ITGA4: variants seen among roughly 807,000 people sequenced by gnomAD.
ITGA4 encodes integrin alpha-4.
ITGA4 carries 63 observed loss-of-function variants against 133.6 expected under a neutral mutation model. That is an observed-to-expected ratio of 0.47 (90% CI 0.38 to 0.58). The LOEUF (loss-of-function observed/expected upper bound fraction) is 0.58, where lower values mean the gene tolerates loss of function less well. Ranked by LOEUF, ITGA4 falls within the 20% of genes least tolerant of loss-of-function variation. The probability of loss-of-function intolerance (pLI) is 0.00; values close to 1 mark genes in which losing one functional copy is unlikely to be tolerated. For missense variants in ITGA4, 1,076 were observed against 1,252.7 expected (o/e 0.86, Z 2.13); for synonymous variants, 483 against 438.0 (o/e 1.10, Z -1.28).
At chr2:181,531,853 T>C (rs1574415557) in intron 25 of ITGA4, 77 bp downstream of exon 25, 1 of 1,018,470 alleles carries the variant, frequency 9.8e-7, no homozygotes, top group African/African-American at 1.7e-5. Context: ...ATAGGCAGGA[T>C]AGTATGAAGG....
At chr2:181,506,488 T>G (rs1254337288) in intron 15 of ITGA4, among the ~76,000 whole-genome samples, 1 of 152,064 alleles carries the variant, frequency 6.6e-6, no homozygotes, top group African/African-American at 2.4e-5. Flanking sequence ...GACCCCAGAT[T>G]TGAACACCAG....
chr2:181,459,110 T>G (rs984996138), intron 2 of ITGA4: 2 of 152,208 alleles, frequency 1.3e-5, no homozygotes, highest in Admixed American at 1.3e-4. Flanking sequence ...TTAACTTTTT[T>G]CCCCTTAAAG....
intron 10 of ITGA4, among the ~76,000 whole-genome samples, chr2:181,492,386 C>T (rs988205850): frequency 1.3e-5 from 2 of 152,018 alleles, no homozygotes; most frequent in Admixed American, 1.3e-4. Flanking sequence ...AAATAGTAGC[C>T]CAAAATTACC....
Position 181,537,724 on chromosome 2 carries a change from C to A in ITGA4, c.*2197C>A, listed in dbSNP as rs1451010303. ...ATGGTTGCAAAGTTTTTTTGTGTGT[C>A]CAATAAACACATTGTAAAAAAAAGA... On this transcript the variant is annotated 3_prime_UTR_variant, in exon 28 of 28. Transcript: ENST00000397033. 2 of 434,210 alleles carry A rather than the reference C, an allele frequency of 4.6e-6. No homozygotes were observed. The highest frequency in any genetic ancestry group is 9.2e-6 in the Non-Finnish European group (2 of 217,382). 26.9% of individuals were successfully genotyped at this position (434,210 alleles called of 1,614,324 possible).
Position 181,458,307 on chromosome 2 carries a change from G to C in ITGA4, c.309G>C (p.Gln103His). 2 of 1,611,452 alleles carry C rather than the reference G, an allele frequency of 1.2e-6. No individual in the cohort carries two copies. The highest frequency in any genetic ancestry group is 1.7e-6 in the Non-Finnish European group (2 of 1,178,788). ...IGKNPGQTCEQLQLGSPNGEP... is the reference protein window; with the variant it reads ...IGKNPGQTCEHLQLGSPNGEP... ...AGAATCCCGGCCAGACGTGCGAACAGCTCCAGCTGGGTGAGTTGGGTATGG... is the reference window on the plus strand; with the variant it reads ...AGAATCCCGGCCAGACGTGCGAACACCTCCAGCTGGGTGAGTTGGGTATGG... Residue 103 changes from glutamine (Q) to histidine (H), a missense_variant, in exon 2 of 28, where the codon CAG becomes CAC. Around this residue, in one of 4 missense-constraint regions of ITGA4, gnomAD observed 436 missense variants for 590.7 expected, o/e 0.74. Coordinates refer to ENST00000397033, the MANE Select transcript of ITGA4 (RefSeq NM_000885.6).
At chr2:181,458,115 G>C in intron 1 of ITGA4, 81 bp from the exon 2 acceptor site, 1 of 1,586,272 alleles carries the variant, frequency 6.3e-7, no homozygotes, top group East Asian at 2.3e-5. Context: ...GCCCTGCTGC[G>C]GACTGCACAT....
chr2:181,458,136 A>G, intron 1 of ITGA4, 60 bp from the exon 2 acceptor site: 2 of 1,607,860 alleles, frequency 1.2e-6, no homozygotes, highest in East Asian at 4.5e-5. Flanking sequence ...CTGTGGCGAC[A>G]GGGAGCTCAG....
chr2:181,533,190 G>A (rs1480672981), intron 25 of ITGA4, among the ~76,000 whole-genome samples: 1 of 152,122 alleles, frequency 6.6e-6, no homozygotes, highest in Non-Finnish European at 1.5e-5. Flanking sequence ...TGTTCAATAT[G>A]GATAAATGAG....
At chr2:181,534,078 A>C (rs963088754) in intron 25 of ITGA4, among the ~76,000 whole-genome samples, 194 bp from the exon 26 acceptor site, 4 of 152,210 alleles carry the variant, frequency 2.6e-5, no homozygotes, top group Non-Finnish European at 5.9e-5. Context: ...AAGGATTTCA[A>C]TAAAATGATA....
intron 11 of ITGA4, 37 bp downstream of exon 11, chr2:181,493,456 T>C: frequency 4.0e-6 from 5 of 1,252,390 alleles, no homozygotes; most frequent in Non-Finnish European, 5.8e-6. Context: ...AAGCATTGGT[T>C]ATAATGCATA....
chr2:181,472,492 TAACTG>T (rs1489716078), intron 2 of ITGA4, among the ~76,000 whole-genome samples: 1 of 152,214 alleles, frequency 6.6e-6, no homozygotes, highest in Non-Finnish European at 1.5e-5. Flanking sequence ...TCAATTGTCT[TAACTG>T]AGTGTTGACT....
chr2:181,494,197 T>G (rs1253152153), intron 11 of ITGA4, among the ~76,000 whole-genome samples: 5 of 152,242 alleles, frequency 3.3e-5, no homozygotes, highest in Non-Finnish European at 5.9e-5. Flanking sequence ...TGTTAAAAAG[T>G]CAGCTTTTAT....
chr2:181,523,594 T>A lies in ITGA4; in HGVS notation c.2169+62T>A. Reference sequence around the variant, plus strand: ...ATGAATATTTTTTTCTATTCTTCCCTATCTTTAGGTTGCATAGAAAATATT... The same window carrying A: ...ATGAATATTTTTTTCTATTCTTCCCAATCTTTAGGTTGCATAGAAAATATT... On this transcript the variant is annotated intron_variant, in intron 19 of 27. Transcript: ENST00000397033. This position sits in a 1 kb window ranked among gnomAD's most constrained non-coding sequence, Gnocchi z 4.2. The A allele has an allele frequency of 1.1e-6, 1 of 870,734 alleles. No individual in the cohort carries two copies. The highest frequency in any genetic ancestry group is 1.9e-6 in the Non-Finnish European group (1 of 527,098). 53.9% of individuals were successfully genotyped at this position (870,734 alleles called of 1,614,324 possible). A position where few individuals can be genotyped will look rare whatever the true frequency, so the allele number is the denominator to read the frequency against.
At chr2:181,518,419 G>T (rs572175857) in intron 17 of ITGA4, among the ~76,000 whole-genome samples, 1 of 152,106 alleles carries the variant, frequency 6.6e-6, no homozygotes, top group African/African-American at 2.4e-5. Flanking sequence ...TTCTCATATG[G>T]CTTATTGGGG....
At chr2:181,517,728 G>A (rs922146411) in intron 17 of ITGA4, among the ~76,000 whole-genome samples, 4 of 152,004 alleles carry the variant, frequency 2.6e-5, no homozygotes, top group Non-Finnish European at 5.9e-5. Context: ...TGTAATTATG[G>A]TAATGGGGCA....
intron 6 of ITGA4, 140 bp downstream of exon 6, chr2:181,480,406 C>T (rs1685776245): frequency 2.3e-6 from 1 of 427,390 alleles, no homozygotes; most frequent in Non-Finnish European, 4.1e-6. Context: ...CAGAAACTGT[C>T]TCTTAAGGAT....
At position 181,536,541 on chromosome 2, in the gene ITGA4, C is replaced by A; in HGVS notation, c.*1014C>A. 1.7e-5 allele frequency: 1 copy of A among 58,796 alleles called. No homozygotes were observed. Among genetic ancestry groups the A allele is most frequent in the South Asian group, 1.0e-3 (1 of 986 alleles). The allele number at this position is 58,796 out of a possible 1,614,324, so 3.6% of individuals were successfully genotyped here. A position where few individuals can be genotyped will look rare whatever the true frequency, so the allele number is the denominator to read the frequency against. On this transcript the variant is annotated 3_prime_UTR_variant, in exon 28 of 28. Transcript: ENST00000397033. ...TTTCCTTGGATGTAATTCTTTGTTA[C>A]CCTTTACAAGTATAAGTGTTACCTT...
chr2:181,485,694 A>G (rs1162303613), intron 9 of ITGA4, among the ~76,000 whole-genome samples, 187 bp from the exon 10 acceptor site: 4 of 152,188 alleles, frequency 2.6e-5, no homozygotes, highest in African/African-American at 9.7e-5. Context: ...TAATCATACT[A>G]TTATGTGTTG....
At chr2:181,465,988 A>G (rs1165656034) in intron 2 of ITGA4, among the ~76,000 whole-genome samples, 2 of 152,154 alleles carry the variant, frequency 1.3e-5, no homozygotes, top group Non-Finnish European at 2.9e-5. Context: ...TAAGCATGCA[A>G]TAAGTATTAG....
Sources: allele counts gnomAD v4.1 joint callset (sites outside exome capture counted in the v4.1 genomes callset), GRCh38; gene constraint gnomAD v4.1.1; regional missense constraint gnomAD v4.1.1; non-coding constraint Gnocchi (gnomAD v3.1); transcripts MANE v1.5; gene names NCBI Gene and HGNC (gene_info 2026-07-23, HGNC 2026-07-21).